The following NEBL variants were observed in gnomAD, a reference collection of about 807,000 sequenced individuals.
The protein encoded by NEBL is nebulette.
NEBL carries 122 observed loss-of-function variants against 140.2 expected under a neutral mutation model. The observed-to-expected ratio is 0.87, with a 90% confidence interval of 0.75 to 1.01. The LOEUF is 1.01. Among genes scored for constraint, NEBL ranks in the 50% least tolerant of loss-of-function variants. NEBL has a pLI of 0.00. For synonymous variants in NEBL, 436 were observed against 398.9 expected, an observed-to-expected ratio of 1.09 and a Z score of -1.11; for missense variants, 1,365 against 1,231.3, an observed-to-expected ratio of 1.11 and a Z score of -1.62.
At chr10:21,084,308 T>C (rs1165389157) in intron 2 of NEBL, among the ~76,000 whole-genome samples, 2 of 152,276 alleles carry the variant, frequency 1.3e-5, no homozygotes, top group Admixed American at 6.5e-5. Flanking sequence ...TATGTCTGTA[T>C]GGCTTGCCTC....
intron 18 of NEBL, among the ~76,000 whole-genome samples, chr10:20,824,199 T>C (rs1414780528): frequency 6.6e-6 from 1 of 152,192 alleles, no homozygotes; most frequent in Non-Finnish European, 1.5e-5. Flanking sequence ...TATATGTAAG[T>C]ATATGAAAGC....
chr10:20,860,562 A>T (rs1452529146), intron 7 of NEBL, among the ~76,000 whole-genome samples: 1 of 30,130 alleles, frequency 3.3e-5, no homozygotes, highest in Non-Finnish European at 1.0e-4. Flanking sequence ...AGTTCACTAC[A>T]AAAAGAAAAA....
chr10:20,859,025 TTAAGTA>T (rs1251386842), intron 8 of NEBL, among the ~76,000 whole-genome samples: 1 of 152,120 alleles, frequency 6.6e-6, no homozygotes, highest in Admixed American at 6.5e-5. Flanking sequence ...CCATGTTCCT[TTAAGTA>T]TATTTCATCT....
chr10:21,251,131 T>C (rs964328048), intron 2 of NEBL, among the ~76,000 whole-genome samples: 2 of 149,006 alleles, frequency 1.3e-5, no homozygotes, highest in Admixed American at 1.3e-4. Flanking sequence ...TTTTTGCTTG[T>C]GATATTTTAC....
At chr10:20,976,286 G>A (rs1045142560) in intron 3 of NEBL, among the ~76,000 whole-genome samples, 1 of 147,932 alleles carries the variant, frequency 6.8e-6, no homozygotes, top group Non-Finnish European at 1.5e-5. Context: ...AGTTGGCAGT[G>A]AGCCGAGATC....
chr10:21,125,751 T>C (rs1382940292), intron 2 of NEBL: 10 of 1,171,998 alleles, frequency 8.5e-6, no homozygotes, highest in Middle Eastern at 2.0e-4. Context: ...AGGGCACGGA[T>C]GGAAACAGAA....
intron 2 of NEBL, among the ~76,000 whole-genome samples, chr10:21,111,217 T>A (rs1837997508): frequency 6.6e-6 from 1 of 152,194 alleles, no homozygotes; most frequent in Non-Finnish European, 1.5e-5. Context: ...TATCACTGAC[T>A]TTCTTCACAG....
Position 21,001,665 on chromosome 10 carries a change from A to T in NEBL, c.249+18452T>A, listed in dbSNP as rs369339302. 4.2e-4 allele frequency among the ~76,000 whole-genome samples: 64 copies of T among 151,934 alleles called. 2 individuals carry two copies. The South Asian group carries it at 0.013, about 30-fold the overall frequency. On this transcript the variant is annotated intron_variant, in intron 3 of 6. Coordinates refer to the NEBL transcript ENST00000417816. ...TTTTGTCTTTAGCCCATTTATGCCT[A>T]GTGTTCCATCATTGGAACTCTAAGC...
At chr10:21,101,543 G>A (rs1174691931) in intron 2 of NEBL, among the ~76,000 whole-genome samples, 1 of 152,166 alleles carries the variant, frequency 6.6e-6, no homozygotes, top group African/African-American at 2.4e-5. Flanking sequence ...AACAAGCCTG[G>A]GTCCCTAATG....
chr10:20,827,872 T>C (rs929897230), intron 17 of NEBL, among the ~76,000 whole-genome samples: 3 of 151,934 alleles, frequency 2.0e-5, no homozygotes, highest in Non-Finnish European at 4.4e-5. Flanking sequence ...AGCTAAATGA[T>C]GAGAACACAT....
intron 2 of NEBL, among the ~76,000 whole-genome samples, chr10:21,136,287 C>T (rs537992329): frequency 6.6e-6 from 1 of 152,340 alleles, no homozygotes; most frequent in African/African-American, 2.4e-5. Flanking sequence ...GCCCCAAATA[C>T]AACTGGCGAC....
intron 3 of NEBL, among the ~76,000 whole-genome samples, chr10:20,994,588 C>A (rs1837592329): frequency 6.6e-6 from 1 of 152,128 alleles, no homozygotes; most frequent in Admixed American, 6.5e-5. Context: ...GCATTGACCC[C>A]CCCGTACACT....
chr10:20,951,048 T>C (rs911047010), intron 4 of NEBL, among the ~76,000 whole-genome samples: 1 of 152,300 alleles, frequency 6.6e-6, no homozygotes, highest in African/African-American at 2.4e-5. Context: ...GATGGGAGGA[T>C]GGCTTGAGCC....
intron 26 of NEBL, among the ~76,000 whole-genome samples, chr10:20,801,669 G>A (rs1249308409): frequency 6.6e-6 from 1 of 151,996 alleles, no homozygotes; most frequent in Non-Finnish European, 1.5e-5. Flanking sequence ...CTAGATAAAT[G>A]TTTGATGACT....
chr10:20,985,112 G>A lies in NEBL; in HGVS notation c.250-23333C>T, dbSNP rs995411570. Among the ~76,000 whole-genome samples the A allele has an allele frequency of 2.0e-5, 3 of 152,262 alleles. No individual in the cohort carries two copies. In the East Asian group the frequency reaches 5.8e-4, roughly 29 times the overall value. Reference sequence around the variant, plus strand: ...TAATTATTTAATTATGTATTACAATGTAATAATAGACATAAAGTGTACAAT... The same window carrying A: ...TAATTATTTAATTATGTATTACAATATAATAATAGACATAAAGTGTACAAT... On this transcript the variant is annotated intron_variant, in intron 3 of 6. Transcript: ENST00000417816.
Position 20,845,271 on chromosome 10 carries a change from T to C in NEBL, c.1214A>G (p.Asn405Ser), listed in dbSNP as rs557497329. ...CCAAGATCGTACCTCCCTCAGAAGG[T>C]TGGTGATGTACTTTACATGTAAAAA... Reference protein sequence around the residue: ...PEFLHVKYITNLLREKEYKKD... With the variant: ...PEFLHVKYITSLLREKEYKKD... Residue 405 changes from asparagine to serine, a missense_variant, in exon 12 of 28, where the codon AAC (asparagine) becomes AGC (serine). Physicochemically the swap from Asn to Ser is conservative, Grantham distance 46. Around this residue, in one of 2 missense-constraint regions of NEBL, gnomAD observed 1,323 missense variants for 1,154.8 expected, o/e 1.15. Coordinates refer to ENST00000377122, the MANE Select transcript of NEBL (RefSeq NM_006393.3). 9 of 1,570,564 alleles carry C rather than the reference T, an allele frequency of 5.7e-6. No individual in the cohort carries two copies. The highest frequency in any genetic ancestry group is 3.3e-5 in the South Asian group (3 of 90,124).
chr10:20,835,707 T>G (rs1471068669), intron 13 of NEBL, 84 bp from the exon 14 acceptor site: 3 of 944,038 alleles, frequency 3.2e-6, no homozygotes, highest in Admixed American at 3.4e-5. Context: ...AAAAAAATAG[T>G]TAGACATATT....
intron 8 of NEBL, among the ~76,000 whole-genome samples, chr10:20,859,117 T>C (rs1224531757): frequency 2.0e-5 from 3 of 152,156 alleles, no homozygotes; most frequent in Non-Finnish European, 4.4e-5. Context: ...TTTTCAACTA[T>C]AGCAAAGTAA....
At chr10:21,157,705 G>T (rs1840389106) in intron 2 of NEBL, among the ~76,000 whole-genome samples, 1 of 152,216 alleles carries the variant, frequency 6.6e-6, no homozygotes, top group Non-Finnish European at 1.5e-5. Context: ...TAGTGAACCT[G>T]TTGGAGTTGA....
Sources: gnomAD v4.1 joint callset for allele counts (sites outside exome capture counted in the v4.1 genomes callset) on GRCh38, gnomAD v4.1.1 for gene constraint, gnomAD v4.1.1 regional missense constraint, MANE v1.5 for transcripts, NCBI Gene and HGNC (gene_info 2026-07-23, HGNC 2026-07-21) for gene names.